RCAN1: variants seen among roughly 807,000 people sequenced by gnomAD.
The protein encoded by RCAN1 is calcipressin-1.
RCAN1 carries 11 observed loss-of-function variants against 22.9 expected under a neutral mutation model. That is an observed-to-expected ratio of 0.48 (90% CI 0.30 to 0.79). RCAN1 has a LOEUF of 0.79. Among genes scored for constraint, RCAN1 ranks in the 30% least tolerant of loss-of-function variants. The pLI, the probability that RCAN1 is intolerant of heterozygous loss-of-function variation, is 0.06. For missense variants in RCAN1, 291 were observed against 337.8 expected (o/e 0.86, Z 1.09); for synonymous variants, 136 against 142.3 (o/e 0.96, Z 0.32).
chr21:34,614,595 G>T lies in RCAN1; in HGVS notation c.252+165C>A. ...AGGGGACCGGGACCCTCGGGGCGCC[G>T]TCCCCACGCCCCAGCCCTGACGGGT... On this transcript the variant is annotated intron_variant, in intron 1 of 3. Transcript: ENST00000313806. The surrounding 1 kb of genome is among the most constrained non-coding windows in gnomAD (Gnocchi z 6.0). The T allele has an allele frequency of 2.0e-6, 2 of 1,011,886 alleles. No individual in the cohort carries two copies. The highest frequency in any genetic ancestry group is 1.2e-6 in the Non-Finnish European group (1 of 820,776). 62.7% of individuals were successfully genotyped at this position (1,011,886 alleles called of 1,614,324 possible). A position where few individuals can be genotyped will look rare whatever the true frequency, so the allele number is the denominator to read the frequency against.
Position 34,518,366 on chromosome 21 carries a change from G to T in RCAN1, c.587-110C>A. 1.7e-6 allele frequency: 2 copies of T among 1,161,636 alleles called. No individual in the cohort carries two copies. The highest frequency in any genetic ancestry group is 1.5e-5 in the South Asian group (1 of 65,768). 72.0% of individuals were successfully genotyped at this position (1,161,636 alleles called of 1,614,324 possible). A position where few individuals can be genotyped will look rare whatever the true frequency, so the allele number is the denominator to read the frequency against. On this transcript the variant is annotated intron_variant, in intron 3 of 3. Coordinates refer to ENST00000313806, the MANE Select transcript of RCAN1 (RefSeq NM_004414.7). The surrounding 1 kb of genome is among the most constrained non-coding windows in gnomAD (Gnocchi z 4.2). ...CTGGGCCAGCTGCTCGTGACCATTCGATTGGGCTGAGAGACACAGCCAGAC... is the reference window on the plus strand; with the variant it reads ...CTGGGCCAGCTGCTCGTGACCATTCTATTGGGCTGAGAGACACAGCCAGAC...
At chr21:34,543,514 T>C (rs2284580) in intron 1 of RCAN1, among the ~76,000 whole-genome samples, 36,362 of 152,178 alleles carry the variant, frequency 0.24, 5,050 homozygotes, top group African/African-American at 0.38. Context: ...TTTTGGAGTT[T>C]GATCTCCAGA....
chr21:34,569,522 T>TATCATAGAGATAGG (rs1987162719), intron 1 of RCAN1, among the ~76,000 whole-genome samples: 1 of 152,186 alleles, frequency 6.6e-6, no homozygotes, highest in Non-Finnish European at 1.5e-5. Context: ...ATCTATGAGC[T>TATCATAGAGATAGG]CAGACAGAAA....
chr21:34,523,486 A>AAGGGAGGG (rs758525913), intron 2 of RCAN1, 51 bp downstream of exon 2: 1 of 1,583,308 alleles, frequency 6.3e-7, no homozygotes. Flanking sequence ...TGCTTTACAA[A>AAGGGAGGG]AGGGAGGGAG....
At chr21:34,612,310 CT>C (rs1288743397) in intron 1 of RCAN1, among the ~76,000 whole-genome samples, 1 of 152,244 alleles carries the variant, frequency 6.6e-6, no homozygotes, top group Non-Finnish European at 1.5e-5. Context: ...CCAATCGCCT[CT>C]CTGTCTCTCA....
At chr21:34,571,202 A>G (rs1352763828) in intron 1 of RCAN1, among the ~76,000 whole-genome samples, 1 of 152,206 alleles carries the variant, frequency 6.6e-6, no homozygotes, top group Non-Finnish European at 1.5e-5. Flanking sequence ...CTGAGGCAGG[A>G]GAATCACTTG....
intron 1 of RCAN1, among the ~76,000 whole-genome samples, chr21:34,563,452 G>A (rs1184699039): frequency 6.6e-6 from 1 of 152,106 alleles, no homozygotes; most frequent in East Asian, 1.9e-4. Flanking sequence ...GAAAAAACAT[G>A]TGGGGAAATG....
At chr21:34,530,616 GTTTTTTT>G (rs59150851) in intron 1 of RCAN1, among the ~76,000 whole-genome samples, 1 of 66,194 alleles carries the variant, frequency 1.5e-5, no homozygotes, top group Admixed American at 2.0e-4. Context: ...TAGTGAAATA[GTTTTTTT>G]TTTTTTTTTT....
At chr21:34,523,462 A>C in intron 2 of RCAN1, 75 bp downstream of exon 2, 1 of 1,442,036 alleles carries the variant, frequency 6.9e-7, no homozygotes, top group East Asian at 2.3e-5. Flanking sequence ...ATATAACATA[A>C]GCAACGTATA....
At chr21:34,568,209 C>T (rs1307324416) in intron 1 of RCAN1, among the ~76,000 whole-genome samples, 2 of 152,218 alleles carry the variant, frequency 1.3e-5, no homozygotes, top group Non-Finnish European at 2.9e-5. Flanking sequence ...TTCCACTGAC[C>T]TCATCAGCCC....
chr21:34,522,570 A>T (rs1012598), intron 2 of RCAN1: 55,694 of 151,922 alleles, frequency 0.37, 10,553 homozygotes, highest in East Asian at 0.62. Context: ...CTTTATTTAT[A>T]CTTGAAGGGC....
Position 34,588,292 on chromosome 21 carries a change from T to C in RCAN1, c.252+26468A>G, listed in dbSNP as rs532419772. On this transcript the variant is annotated intron_variant, in intron 1 of 3. Transcript: ENST00000313806. ...GAGGTCAGCATGGTGGGTAACTTGG[T>C]GGGCCATGGTGGTGACTGGTGAGTA... Among the ~76,000 whole-genome samples the C allele has an allele frequency of 1.1e-3, 166 of 152,264 alleles. 2 individuals carry two copies. Among genetic ancestry groups the C allele is most frequent in the African/African-American group, 3.9e-3 (163 of 41,544 alleles).
chr21:34,560,684 A>G (rs1011912886), intron 1 of RCAN1, among the ~76,000 whole-genome samples: 1 of 152,262 alleles, frequency 6.6e-6, no homozygotes, highest in Non-Finnish European at 1.5e-5. Flanking sequence ...AGTGATGACA[A>G]AAAGAAAATC....
At chr21:34,542,666 G>A (rs1397795103) in intron 1 of RCAN1, among the ~76,000 whole-genome samples, 1 of 152,210 alleles carries the variant, frequency 6.6e-6, no homozygotes, top group East Asian at 1.9e-4. Context: ...TTACGTTTTG[G>A]GTGGCTTGTT....
chr21:34,549,767 T>C (rs1986293060), intron 1 of RCAN1, among the ~76,000 whole-genome samples: 1 of 152,022 alleles, frequency 6.6e-6, no homozygotes, highest in Non-Finnish European at 1.5e-5. Context: ...GGGGAAGTGG[T>C]TTGCCAACAT....
chr21:34,598,739 A>G (rs532839513), intron 1 of RCAN1, among the ~76,000 whole-genome samples: 1 of 152,370 alleles, frequency 6.6e-6, no homozygotes, highest in Admixed American at 6.5e-5. Flanking sequence ...ACTGGAGAAA[A>G]TATCTGTAAT....
At chr21:34,526,676 T>C (rs1985077279) in intron 1 of RCAN1, 1 of 1,613,356 alleles carries the variant, frequency 6.2e-7, no homozygotes, top group Non-Finnish European at 8.5e-7. Context: ...GGTTTCACTT[T>C]CGCTGAAGAT....
At chr21:34,563,786 T>TAGAG (rs1412162405) in intron 1 of RCAN1, among the ~76,000 whole-genome samples, 8 of 100,840 alleles carry the variant, frequency 7.9e-5, no homozygotes, top group South Asian at 3.6e-4. Flanking sequence ...TATATATATA[T>TAGAG]ATATATATAG....
chr21:34,537,044 CT>C (rs1354567536), intron 1 of RCAN1, among the ~76,000 whole-genome samples: 5 of 152,194 alleles, frequency 3.3e-5, no homozygotes, highest in Admixed American at 2.0e-4. Flanking sequence ...GCATTCTTTG[CT>C]GATGACTTAA....
Sources: allele counts gnomAD v4.1 joint callset (sites outside exome capture counted in the v4.1 genomes callset), GRCh38; gene constraint gnomAD v4.1.1; non-coding constraint Gnocchi (gnomAD v3.1); transcripts MANE v1.5; gene names NCBI Gene and HGNC (gene_info 2026-07-23, HGNC 2026-07-21).